ERBB4: variants seen among roughly 807,000 people sequenced by gnomAD.
ERBB4 encodes the protein erb-b2 receptor tyrosine kinase 4.
In ERBB4, 42 loss-of-function variants were observed where a neutral mutation model predicts 158.0. The observed-to-expected ratio is 0.27, with a 90% confidence interval of 0.21 to 0.34. ERBB4 has a LOEUF of 0.34. Ranked by LOEUF, ERBB4 falls within the 10% of genes least tolerant of loss-of-function variation. The probability of loss-of-function intolerance (pLI) is 1.00; values close to 1 mark genes in which losing one functional copy is unlikely to be tolerated. For missense variants in ERBB4, 1,333 were observed against 1,624.1 expected (o/e 0.82, Z 3.08); for synonymous variants, 583 against 558.7 (o/e 1.04, Z -0.61).
intron 1 of ERBB4, among the ~76,000 whole-genome samples, chr2:212,312,346 T>C (rs543658412): frequency 1.3e-5 from 2 of 151,116 alleles, no homozygotes; most frequent in East Asian, 3.9e-4. Flanking sequence ...GTGAAAGTTG[T>C]TGAGTGGTAA....
chr2:212,243,092 G>A (rs771854827), intron 1 of ERBB4, among the ~76,000 whole-genome samples: 1 of 152,054 alleles, frequency 6.6e-6, no homozygotes, highest in Non-Finnish European at 1.5e-5. Context: ...AATCTGTTAT[G>A]CCATTTTCTT....
At chr2:212,003,794 G>A (rs1466406686) in intron 2 of ERBB4, among the ~76,000 whole-genome samples, 2 of 152,140 alleles carry the variant, frequency 1.3e-5, no homozygotes, top group Non-Finnish European at 2.9e-5. Context: ...CCAGTGTGCA[G>A]GTTTAGGAAC....
intron 1 of ERBB4, among the ~76,000 whole-genome samples, chr2:212,498,611 A>T (rs1051530393): frequency 1.3e-5 from 2 of 152,058 alleles, no homozygotes; most frequent in Admixed American, 6.6e-5. Flanking sequence ...GATTAATTAT[A>T]TTATTTCATT....
intron 19 of ERBB4, among the ~76,000 whole-genome samples, chr2:211,565,695 AT>A (rs1386434426): frequency 6.6e-6 from 1 of 152,074 alleles, no homozygotes; most frequent in East Asian, 1.9e-4. Flanking sequence ...GCAGTGTTTG[AT>A]GGGGTATGTG....
At chr2:211,677,242 C>A (rs1368577280) in intron 13 of ERBB4, among the ~76,000 whole-genome samples, 1 of 152,058 alleles carries the variant, frequency 6.6e-6, no homozygotes, top group South Asian at 2.1e-4. Context: ...AATGAAAGAA[C>A]TTCAAAACTA....
intron 2 of ERBB4, among the ~76,000 whole-genome samples, chr2:212,124,004 C>G (rs1268686365): frequency 6.6e-6 from 1 of 152,074 alleles, no homozygotes; most frequent in Non-Finnish European, 1.5e-5. Flanking sequence ...GTGCAAAGAC[C>G]ACATCCCCAT....
At chr2:211,992,568 A>AGAGAGAGAGAG (rs113455518) in intron 2 of ERBB4, among the ~76,000 whole-genome samples, 2 of 76,530 alleles carry the variant, frequency 2.6e-5, no homozygotes, top group African/African-American at 7.3e-5. Flanking sequence ...AGAGAGAGAG[A>AGAGAGAGAGAG]AAAAAAAAAA....
At position 211,420,615 on chromosome 2, in the gene ERBB4, A is replaced by C. The variant is rs777364404; in HGVS notation, c.2965-4T>G. 5.3e-6 allele frequency: 8 copies of C among 1,503,012 alleles called. No individual in the cohort carries two copies. In the African/African-American group the frequency reaches 2.6e-4, roughly 48 times the overall value. The allele number at this position is 1,503,012 out of a possible 1,614,324, so 93.1% of individuals were successfully genotyped here. ...GAAGCTTCATACGATCATCACCCTA[A>C]AAGAAAGATTGCCCATCAGACACAA... On this transcript the variant is annotated splice_region_variant and splice_polypyrimidine_tract_variant and intron_variant, in intron 24 of 27. Coordinates refer to ENST00000342788, the MANE Select transcript of ERBB4 (RefSeq NM_005235.3).
intron 12 of ERBB4, among the ~76,000 whole-genome samples, chr2:211,680,820 G>C (rs1349779829): frequency 6.6e-6 from 1 of 152,146 alleles, no homozygotes; most frequent in Non-Finnish European, 1.5e-5. Flanking sequence ...TAGTTTAAGA[G>C]AGAAATGTGT....
chr2:212,291,710 T>C (rs924871822), intron 1 of ERBB4, among the ~76,000 whole-genome samples: 9 of 152,058 alleles, frequency 5.9e-5, no homozygotes, highest in Non-Finnish European at 1.2e-4. Context: ...TTTTTCTGAG[T>C]TACAAAGTCT....
In ERBB4 at chr2:211,482,632, G is replaced by A. The variant is rs527885696; in HGVS notation, c.2488-51532C>T. On this transcript the variant is annotated intron_variant, in intron 20 of 27. Coordinates refer to ENST00000342788, the MANE Select transcript of ERBB4 (RefSeq NM_005235.3). ...AAAAAATAAATTAATCAGGCCGGGT[G>A]CAGTGGCTCACGCCTGTAATCCCAG... is the stretch of plus-strand genomic sequence containing the variant. Among the ~76,000 whole-genome samples, 38 of 152,292 alleles carry A rather than the reference G, an allele frequency of 2.5e-4. 1 individual carries two copies. The East Asian group carries it at 6.8e-3, about 27-fold the overall frequency.
chr2:211,726,375 A>G (rs2074269137), intron 5 of ERBB4, among the ~76,000 whole-genome samples: 1 of 152,146 alleles, frequency 6.6e-6, no homozygotes. Flanking sequence ...ATGCATTTCT[A>G]GCTGTCTACA....
At chr2:212,255,924 G>T (rs1204656393) in intron 1 of ERBB4, among the ~76,000 whole-genome samples, 1 of 151,822 alleles carries the variant, frequency 6.6e-6, no homozygotes, top group Admixed American at 6.6e-5. Flanking sequence ...AGGCTCAAGG[G>T]ATCCTCCCAC....
At chr2:211,616,881 CAG>C (rs2069412252) in intron 19 of ERBB4, among the ~76,000 whole-genome samples, 1 of 152,046 alleles carries the variant, frequency 6.6e-6, no homozygotes, top group Admixed American at 6.6e-5. Flanking sequence ...TTAAAGAGAA[CAG>C]AGTCTTCTGA....
rs547191935 is a variant in ERBB4, at chr2:211,413,798, A to C, written c.3135+6643T>G. 2.6e-5 allele frequency among the ~76,000 whole-genome samples: 4 copies of C among 152,016 alleles called. No individual in the cohort carries two copies. In the South Asian group the frequency reaches 8.3e-4, roughly 32 times the overall value. ...CATGAAGAATTAGGCATGCGGACAC[A>C]TTGAAGGGTGAGGAAGGTGGAATGT... On this transcript the variant is annotated intron_variant, in intron 25 of 27. Transcript: ENST00000342788.
chr2:211,913,606 A>AAT (rs1235583174), intron 3 of ERBB4, among the ~76,000 whole-genome samples: 14 of 136,374 alleles, frequency 1.0e-4, no homozygotes, highest in South Asian at 2.4e-4. Context: ...ATTTCAAAAA[A>AAT]ATATATATAT....
At chr2:212,508,174 C>T (rs1691298218) in intron 1 of ERBB4, among the ~76,000 whole-genome samples, 1 of 152,088 alleles carries the variant, frequency 6.6e-6, no homozygotes. Context: ...TATTTTTGGA[C>T]ATAATTGTAC....
At chr2:212,341,421 T>C (rs2088706282) in intron 1 of ERBB4, among the ~76,000 whole-genome samples, 2 of 152,060 alleles carry the variant, frequency 1.3e-5, no homozygotes, top group South Asian at 4.1e-4. Context: ...GTTGTTCAAA[T>C]TCTGAACTTT....
intron 1 of ERBB4, among the ~76,000 whole-genome samples, chr2:212,195,504 C>A (rs2082400177): frequency 1.3e-5 from 2 of 151,784 alleles, no homozygotes; most frequent in Non-Finnish European, 2.9e-5. Flanking sequence ...ATATGCACAC[C>A]TTTTAAAGGC....
Sources: gnomAD v4.1 joint callset for allele counts (sites outside exome capture counted in the v4.1 genomes callset) on GRCh38, gnomAD v4.1.1 for gene constraint, MANE v1.5 for transcripts, NCBI Gene and HGNC (gene_info 2026-07-23, HGNC 2026-07-21) for gene names.